Variants in STXBP4 observed in about 807,000 individuals in gnomAD.
STXBP4 encodes the protein syntaxin-binding protein 4.
STXBP4 carries 55 observed loss-of-function variants against 76.1 expected under a neutral mutation model. The ratio of observed to expected loss-of-function variants is 0.72; its 90% CI spans 0.58 to 0.91. The LOEUF (loss-of-function observed/expected upper bound fraction) is 0.91, where lower values mean the gene tolerates loss of function less well. Ranked by LOEUF, STXBP4 falls within the 40% of genes least tolerant of loss-of-function variation. The pLI, the probability that STXBP4 is intolerant of heterozygous loss-of-function variation, is 0.00. For synonymous variants in STXBP4, 201 were observed against 220.2 expected (o/e 0.91, Z 0.77); for missense variants, 618 against 636.9 (o/e 0.97, Z 0.32).
intron 8 of STXBP4, among the ~76,000 whole-genome samples, chr17:55,010,621 A>G (rs1270443349): frequency 6.6e-6 from 1 of 152,044 alleles, no homozygotes; most frequent in Non-Finnish European, 1.5e-5. Flanking sequence ...AAAATATCGT[A>G]CCTCTGCATT....
the STXBP4 span, among the ~76,000 whole-genome samples, chr17:55,202,070 A>G: frequency 2.1e-5 from 3 of 141,848 alleles, no homozygotes; most frequent in African/African-American, 5.3e-5. Flanking sequence ...AATTTGTTCA[A>G]TATAGTCAAG....
chr17:55,167,872 G>A lies in STXBP4; in HGVS notation c.*7961G>A, dbSNP rs1327152111. 2 of 152,090 alleles carry A rather than the reference G, an allele frequency of 1.3e-5. No individual in the cohort carries two copies. Among genetic ancestry groups the A allele is most frequent in the African/African-American group, 4.8e-5 (2 of 41,432 alleles). The allele number at this position is 152,090 out of a possible 1,614,324, so 9.4% of individuals were successfully genotyped here. The stretch of plus-strand genomic sequence containing the variant: ...TCAGCACACACGAGAAGAGACAACA[G>A]GAAGACAAAACAAATTGAGTAGATA... On this transcript the variant is annotated 3_prime_UTR_variant, in exon 18 of 18. Coordinates refer to ENST00000376352, the MANE Select transcript of STXBP4 (RefSeq NM_178509.6).
At chr17:55,049,393 T>C (rs1327602451) in intron 12 of STXBP4, among the ~76,000 whole-genome samples, 1 of 151,866 alleles carries the variant, frequency 6.6e-6, no homozygotes, top group East Asian at 1.9e-4. Context: ...GAACATTACA[T>C]GTGTTAACAA....
intron 14 of STXBP4, 38 bp downstream of exon 14, chr17:55,078,232 A>G (rs758383629): frequency 4.0e-5 from 52 of 1,309,328 alleles, no homozygotes; most frequent in Non-Finnish European, 5.4e-5. Flanking sequence ...TCTTTAAAAA[A>G]TATATAGGCA....
intron 7 of STXBP4, among the ~76,000 whole-genome samples, chr17:55,003,275 G>A (rs543377901): frequency 1.3e-4 from 20 of 152,268 alleles, no homozygotes; most frequent in South Asian, 2.1e-4. Context: ...TATACCAGTC[G>A]CTATAAGAAT....
intron 16 of STXBP4, among the ~76,000 whole-genome samples, chr17:55,134,053 C>T (rs1286222023): frequency 2.6e-5 from 4 of 151,394 alleles, no homozygotes; most frequent in African/African-American, 4.9e-5. Flanking sequence ...ATGGTAATGA[C>T]CCAGTACAGG....
chr17:55,081,754 A>G (rs1598294880), intron 16 of STXBP4, among the ~76,000 whole-genome samples: 1 of 152,148 alleles, frequency 6.6e-6, no homozygotes, highest in African/African-American at 2.4e-5. Flanking sequence ...ATATCCTCCT[A>G]TGCTGGAGCC....
the STXBP4 span, among the ~76,000 whole-genome samples, chr17:55,209,356 C>G: frequency 6.6e-6 from 1 of 152,002 alleles, no homozygotes; most frequent in African/African-American, 2.4e-5. Flanking sequence ...GTGCTAGAAC[C>G]AGGTCAGAGG....
the STXBP4 span, among the ~76,000 whole-genome samples, chr17:55,178,935 C>T: frequency 6.6e-6 from 1 of 152,186 alleles, no homozygotes; most frequent in Non-Finnish European, 1.5e-5. Flanking sequence ...CCCAGAAATA[C>T]CCTCACAGAC....
chr17:55,104,177 T>A (rs1159197662), intron 16 of STXBP4, among the ~76,000 whole-genome samples: 1 of 152,208 alleles, frequency 6.6e-6, no homozygotes, highest in African/African-American at 2.4e-5. Context: ...AATGGGGTGG[T>A]GAGAGACGGC....
In STXBP4 at chr17:55,164,196, A is replaced by G. The variant is rs946809347; in HGVS notation, c.*4285A>G. On this transcript the variant is annotated 3_prime_UTR_variant, in exon 18 of 18. Transcript: ENST00000376352. ...AGGTGTTTTAACTACAACTGTCTAC[A>G]TGTAATAGTGTGTCTGCATAATGAC... is the stretch of plus-strand genomic sequence containing the variant. 9 of 152,248 alleles carry G rather than the reference A, an allele frequency of 5.9e-5. No individual in the cohort carries two copies. The highest frequency in any genetic ancestry group is 1.9e-4 in the African/African-American group (8 of 41,472). 9.4% of individuals were successfully genotyped at this position (152,248 alleles called of 1,614,324 possible).
At chr17:54,986,406 C>T (rs1267690745) in intron 3 of STXBP4, 140 bp downstream of exon 3, 7 of 604,720 alleles carry the variant, frequency 1.2e-5, no homozygotes, top group Non-Finnish European at 1.7e-5. Flanking sequence ...TAAAGTAATA[C>T]GTTGAATTAC....
At chr17:55,013,607 C>A (rs2078150981) in intron 8 of STXBP4, among the ~76,000 whole-genome samples, 1 of 152,230 alleles carries the variant, frequency 6.6e-6, no homozygotes, top group Non-Finnish European at 1.5e-5. Flanking sequence ...AGAGCTGAGC[C>A]TTCTCTTTGG....
chr17:55,178,628 T>C (rs2080439295), downstream of STXBP4, among the ~76,000 whole-genome samples: 1 of 152,214 alleles, frequency 6.6e-6, no homozygotes, highest in African/African-American at 2.4e-5. Flanking sequence ...TTGTAAGGAA[T>C]TGGTTCACAT....
chr17:55,123,009 T>C (rs943783229), intron 16 of STXBP4, among the ~76,000 whole-genome samples: 12 of 152,190 alleles, frequency 7.9e-5, no homozygotes, highest in African/African-American at 2.4e-4. Context: ...TTATTCACAT[T>C]TATGGGAGTT....
chr17:55,023,800 C>G (rs529168723), intron 8 of STXBP4, among the ~76,000 whole-genome samples: 6 of 150,842 alleles, frequency 4.0e-5, no homozygotes, highest in Non-Finnish European at 8.8e-5. Flanking sequence ...ATGACTCAGA[C>G]TTAGATATTG....
intron 12 of STXBP4, among the ~76,000 whole-genome samples, chr17:55,051,515 T>G (rs140305425): frequency 5.3e-4 from 80 of 152,270 alleles, no homozygotes; most frequent in African/African-American, 1.8e-3. Flanking sequence ...AGATGCTTTA[T>G]AGGTCTGAGC....
chr17:55,129,461 A>T (rs2079950961), intron 16 of STXBP4, among the ~76,000 whole-genome samples: 1 of 152,150 alleles, frequency 6.6e-6, no homozygotes, highest in Admixed American at 6.5e-5. Flanking sequence ...GTGCCATGGC[A>T]CATGTCTGTT....
the STXBP4 span, among the ~76,000 whole-genome samples, chr17:55,211,808 T>G: frequency 0.016 from 1,932 of 118,336 alleles, 54 homozygotes; most frequent in African/African-American, 0.069. Context: ...TGTTTTTTTT[T>G]TTTTTTTTTT....
Sources: gnomAD v4.1 joint callset for allele counts (sites outside exome capture counted in the v4.1 genomes callset) on GRCh38, gnomAD v4.1.1 for gene constraint, MANE v1.5 for transcripts, NCBI Gene and HGNC (gene_info 2026-07-23, HGNC 2026-07-21) for gene names.